The following CYP4F22 variants were observed in gnomAD, a reference collection of about 807,000 sequenced individuals.
CYP4F22 encodes ultra-long-chain fatty acid omega-hydroxylase.
In CYP4F22, 37 loss-of-function variants were observed where a neutral mutation model predicts 60.4. That is an observed-to-expected ratio of 0.61 (90% CI 0.47 to 0.81). The LOEUF is 0.81. CYP4F22 is among the 30% of genes least tolerant of loss of function. The pLI is 0.00. For missense variants in CYP4F22, 655 were observed against 715.0 expected (o/e 0.92, Z 0.96); for synonymous variants, 258 against 280.5 (o/e 0.92, Z 0.80).
chr19:15,535,417 T>C (rs190700474), intron 4 of CYP4F22, among the ~76,000 whole-genome samples: 21 of 152,272 alleles, frequency 1.4e-4, no homozygotes, highest in Non-Finnish European at 2.5e-4. Context: ...AATTGGCCAA[T>C]TCCTAGGGAT....
In CYP4F22 at chr19:15,551,564, C is replaced by T; in HGVS notation, c.*93C>T. 1 of 1,438,168 alleles carries T rather than the reference C, an allele frequency of 7.0e-7. No homozygotes were observed. Among genetic ancestry groups the T allele is most frequent in the Non-Finnish European group, 9.3e-7 (1 of 1,070,716 alleles). 89.1% of individuals were successfully genotyped at this position (1,438,168 alleles called of 1,614,324 possible). ...AAGATCCCGAGGGCATAGGCCACCCCCCTCGAAGTTCAGGTTCAGCTCCTG... is the reference window on the plus strand; with the variant it reads ...AAGATCCCGAGGGCATAGGCCACCCTCCTCGAAGTTCAGGTTCAGCTCCTG... On this transcript the variant is annotated 3_prime_UTR_variant, in exon 14 of 14. Coordinates refer to ENST00000269703, the MANE Select transcript of CYP4F22 (RefSeq NM_173483.4).
At chr19:15,550,392 T>C (rs1169077624) in intron 12 of CYP4F22, among the ~76,000 whole-genome samples, 2 of 151,980 alleles carry the variant, frequency 1.3e-5, no homozygotes, top group Admixed American at 6.6e-5. Flanking sequence ...GCCGAGGAGA[T>C]GTTTGAGCTG....
At chr19:15,514,044 A>T (rs1413542553) in intron 1 of CYP4F22, among the ~76,000 whole-genome samples, 1 of 152,218 alleles carries the variant, frequency 6.6e-6, no homozygotes, top group African/African-American at 2.4e-5. Context: ...TTTAAAATGG[A>T]GATCAAAGTT....
rs191388749 is a variant in CYP4F22 at position 15,525,310 on chromosome 19, G to A, written c.-1-26G>A. 35 of 1,607,868 alleles carry A rather than the reference G, an allele frequency of 2.2e-5. No homozygotes were observed. In the East Asian group the frequency reaches 4.9e-4, roughly 23 times the overall value. On this transcript the variant is annotated intron_variant, in intron 2 of 13. Transcript: ENST00000269703. ...GGGTCATCGTCTTGTGCATGGCACCGACCCCCTGACCCTGTGTGTCCCCAG... is the reference window on the plus strand; with the variant it reads ...GGGTCATCGTCTTGTGCATGGCACCAACCCCCTGACCCTGTGTGTCCCCAG...
At chr19:15,543,116 T>C (rs906841611) in intron 8 of CYP4F22, among the ~76,000 whole-genome samples, 11 of 152,182 alleles carry the variant, frequency 7.2e-5, no homozygotes, top group African/African-American at 2.7e-4. Flanking sequence ...TCTAGGTCTT[T>C]GAGGAATTGC....
chr19:15,510,484 G>A (rs1238594379), intron 1 of CYP4F22, among the ~76,000 whole-genome samples: 1 of 152,122 alleles, frequency 6.6e-6, no homozygotes, highest in South Asian at 2.1e-4. Flanking sequence ...GGCTCAGAGA[G>A]GTGCAGACAC....
rs188747738 is a variant in CYP4F22, at chr19:15,517,260, T to C, written c.-108-6433T>C. 5.9e-5 allele frequency among the ~76,000 whole-genome samples: 9 copies of C among 152,330 alleles called. No individual in the cohort carries two copies. The East Asian group carries it at 1.7e-3, about 29-fold the overall frequency. On this transcript the variant is annotated intron_variant, in intron 1 of 13. Coordinates refer to ENST00000269703, the MANE Select transcript of CYP4F22 (RefSeq NM_173483.4). ...GACTTCCCCAATGTACCTTTCATGGTGGTCTTCCCATGGGCATCTGGTGGA... is the reference window on the plus strand; with the variant it reads ...GACTTCCCCAATGTACCTTTCATGGCGGTCTTCCCATGGGCATCTGGTGGA...
chr19:15,544,104 G>T, intron 9 of CYP4F22, 46 bp from the exon 10 acceptor site: 1 of 1,614,190 alleles, frequency 6.2e-7, no homozygotes, highest in Non-Finnish European at 8.5e-7. Flanking sequence ...CAGCATCTCT[G>T]CTTTCTTCAG....
chr19:15,551,893 A>ACCCCCCCCCC lies in CYP4F22; in HGVS notation c.*431_*432insCCCCCCCCCC, dbSNP rs369156587. 1 of 113,988 alleles carries ACCCCCCCCCC rather than the reference A, an allele frequency of 8.8e-6. No homozygotes were observed. Among genetic ancestry groups the ACCCCCCCCCC allele is most frequent in the Non-Finnish European group, 1.8e-5 (1 of 55,586 alleles). 7.1% of individuals were successfully genotyped at this position (113,988 alleles called of 1,614,324 possible). ...TATGACTCAGGGCCCACCACACCCC[A>ACCCCCCCCCC]CCCCCCCCCAACTGGCTGAACCCCT... On this transcript the variant is annotated 3_prime_UTR_variant, in exon 14 of 14. Coordinates refer to ENST00000269703, the MANE Select transcript of CYP4F22 (RefSeq NM_173483.4).
At chr19:15,539,033 G>C (rs1971429747) in intron 7 of CYP4F22, among the ~76,000 whole-genome samples, 3 of 152,296 alleles carry the variant, frequency 2.0e-5, no homozygotes, top group African/African-American at 7.2e-5. Context: ...TAATGGCTTT[G>C]TTGAGACACA....
chr19:15,550,714 A>G lies in CYP4F22; in HGVS notation c.1376A>G (p.Gln459Arg). 6.2e-7 allele frequency: 1 copy of G among 1,614,202 alleles called. No homozygotes were observed. Among genetic ancestry groups the G allele is most frequent in the Non-Finnish European group, 8.5e-7 (1 of 1,180,022 alleles). ...PYRFDPDNPQ[Q>R]RSPLAYVPFS... Reference sequence around the variant, plus strand: ...CGCTTTGACCCGGACAACCCACAGCAGCGCTCTCCACTGGCCTATGTGCCC... The same window carrying G: ...CGCTTTGACCCGGACAACCCACAGCGGCGCTCTCCACTGGCCTATGTGCCC... Residue 459 changes from glutamine (Q) to arginine (R), a missense_variant, in exon 13 of 14, where the codon CAG (glutamine) becomes CGG (arginine). Coordinates refer to ENST00000269703, the MANE Select transcript of CYP4F22 (RefSeq NM_173483.4).
chr19:15,535,384 A>T (rs534663383), intron 4 of CYP4F22, among the ~76,000 whole-genome samples: 49 of 152,282 alleles, frequency 3.2e-4, no homozygotes, highest in African/African-American at 1.1e-3. Context: ...TGGGGGGATG[A>T]GTGGGCGGAT....
chr19:15,509,716 C>T (rs1343317047), intron 1 of CYP4F22, among the ~76,000 whole-genome samples: 1 of 152,098 alleles, frequency 6.6e-6, no homozygotes, highest in Non-Finnish European at 1.5e-5. Flanking sequence ...TTCCGATGTC[C>T]CCGGCATCAC....
intron 3 of CYP4F22, among the ~76,000 whole-genome samples, chr19:15,528,884 C>T (rs1971310899): frequency 6.6e-6 from 1 of 152,148 alleles, no homozygotes; most frequent in South Asian, 2.1e-4. Context: ...TCTTATTACT[C>T]ACATAGCAAG....
intron 1 of CYP4F22, among the ~76,000 whole-genome samples, chr19:15,509,909 CTTT>C (rs1278258711): frequency 3.4e-4 from 41 of 120,476 alleles, no homozygotes; most frequent in African/African-American, 7.0e-4. Flanking sequence ...TCCTTCCTTT[CTTT>C]CTTTCCTTCC....
chr19:15,550,809 G>A lies in CYP4F22; in HGVS notation c.1418+53G>A, dbSNP rs1479087446. The A allele has an allele frequency of 7.5e-6, 12 of 1,595,146 alleles. No individual in the cohort carries two copies. The Admixed American group carries it at 2.0e-4, about 27-fold the overall frequency. On this transcript the variant is annotated intron_variant, in intron 13 of 13. Coordinates refer to ENST00000269703, the MANE Select transcript of CYP4F22 (RefSeq NM_173483.4). ...GCCAGCTGTGTAGGAACAGAGGCAG[G>A]GAAAGATCAGGAATGTGCCTCTCAG... is the stretch of plus-strand genomic sequence containing the variant.
At chr19:15,518,838 C>T (rs1284335768) in intron 1 of CYP4F22, among the ~76,000 whole-genome samples, 1 of 151,932 alleles carries the variant, frequency 6.6e-6, no homozygotes, top group Non-Finnish European at 1.5e-5. Context: ...GCAGAATGGA[C>T]TTCTTGCAGG....
chr19:15,532,662 GTGAGCTACAGCGCC>G (rs1249958652), intron 4 of CYP4F22, among the ~76,000 whole-genome samples: 1 of 151,548 alleles, frequency 6.6e-6, no homozygotes, highest in Non-Finnish European at 1.5e-5. Context: ...GATTACAGGC[GTGAGCTACAGCGCC>G]TGGTCTCTCT....
intron 1 of CYP4F22, chr19:15,516,202 A>G (rs1408672151): frequency 6.6e-6 from 1 of 152,250 alleles, no homozygotes; most frequent in African/African-American, 2.4e-5. Flanking sequence ...CACATAGTAC[A>G]TTCTACGTCC....
Sources: allele counts gnomAD v4.1 joint callset (sites outside exome capture counted in the v4.1 genomes callset), GRCh38; gene constraint gnomAD v4.1.1; transcripts MANE v1.5; gene names NCBI Gene and HGNC (gene_info 2026-07-23, HGNC 2026-07-21).